Variants in EPG5 observed in about 807,000 individuals in gnomAD.
EPG5 encodes the protein ectopic P granules protein 5 homolog.
In EPG5, 159 loss-of-function variants were observed where a neutral mutation model predicts 302.7. The ratio of observed to expected loss-of-function variants is 0.53; its 90% confidence interval spans 0.46 to 0.60. EPG5 has a LOEUF of 0.60. Ranked by LOEUF, EPG5 falls within the 20% of genes least tolerant of loss-of-function variation. The probability of loss-of-function intolerance (pLI) is 0.00; values close to 1 mark genes in which losing one functional copy is unlikely to be tolerated. For synonymous variants in EPG5, 1,158 were observed against 1,136.8 expected, an observed-to-expected ratio of 1.02 and a Z score of -0.37; for missense variants, 2,896 against 3,092.4, an observed-to-expected ratio of 0.94 and a Z score of 1.51.
rs2049865121 is a variant in EPG5 at position 45,910,458 on chromosome 18, A to C, written c.4205+63T>G. 26 of 1,256,254 alleles carry C rather than the reference A, an allele frequency of 2.1e-5. No homozygotes were observed. The South Asian group carries it at 2.9e-4, about 14-fold the overall frequency. The allele number at this position is 1,256,254 out of a possible 1,614,324, so 77.8% of individuals were successfully genotyped here. ...CATCTAGCAGTTTGTAACACAGTTA[A>C]CTGCTCCAGCATAGTACCTGTGCTG... is the stretch of plus-strand genomic sequence containing the variant. On this transcript the variant is annotated intron_variant, in intron 23 of 43. Coordinates refer to ENST00000282041, the MANE Select transcript of EPG5 (RefSeq NM_020964.3).
chr18:45,949,069 T>C (rs923230974), intron 5 of EPG5, among the ~76,000 whole-genome samples: 20 of 152,156 alleles, frequency 1.3e-4, no homozygotes, highest in Non-Finnish European at 1.5e-4. Flanking sequence ...CAAGAGTTGA[T>C]CACATAGACC....
intron 33 of EPG5, 38 bp from the exon 34 acceptor site, chr18:45,878,486 G>C (rs780308311): frequency 8.1e-6 from 11 of 1,350,560 alleles, no homozygotes; most frequent in Non-Finnish European, 1.2e-5. Context: ...GTCATCATTT[G>C]TCATTTGTCA....
intron 3 of EPG5, 50 bp downstream of exon 3, chr18:45,952,350 A>AT (rs750446400): frequency 1.8e-4 from 279 of 1,582,242 alleles, no homozygotes; most frequent in African/African-American, 1.2e-3. Flanking sequence ...ATACCCCTCA[A>AT]TTTTTTTTTA....
At chr18:45,869,629 A>G (rs561566358) in intron 36 of EPG5, among the ~76,000 whole-genome samples, 7 of 152,336 alleles carry the variant, frequency 4.6e-5, no homozygotes, top group Admixed American at 3.3e-4. Context: ...TGCCCGTCTC[A>G]TATACTAAAT....
intron 31 of EPG5, 101 bp downstream of exon 31, chr18:45,882,172 TG>T: frequency 2.9e-6 from 3 of 1,028,688 alleles, no homozygotes; most frequent in Non-Finnish European, 2.9e-6. Flanking sequence ...ACTCCTATAC[TG>T]GTATTACTTT....
intron 25 of EPG5, among the ~76,000 whole-genome samples, chr18:45,902,669 T>A (rs933843241): frequency 2.6e-5 from 4 of 152,352 alleles, no homozygotes; most frequent in African/African-American, 7.2e-5. Flanking sequence ...TTTGATATAA[T>A]CATCAACTAA....
At chr18:45,869,729 G>A (rs2048829852) in intron 36 of EPG5, among the ~76,000 whole-genome samples, 2 of 152,244 alleles carry the variant, frequency 1.3e-5, no homozygotes, top group South Asian at 4.1e-4. Context: ...TGGCTGACAA[G>A]AGCAGCACAG....
Position 45,860,183 on chromosome 18 carries a change from T to C in EPG5, c.6930A>G (p.Thr2310=), listed in dbSNP as rs1170010313. The C allele has an allele frequency of 1.2e-6, 2 of 1,614,258 alleles. No individual in the cohort carries two copies. The highest frequency in any genetic ancestry group is 1.7e-5 in the Admixed American group (1 of 60,032). ...MHGLVVLPLL[T]AACQSLASVR... ...CGGACGCCAGGCTCTGGCAGGCTGCTGTTAAAAGGGGCAGCACCACCAGCC... is the reference window on the plus strand; with the variant it reads ...CGGACGCCAGGCTCTGGCAGGCTGCCGTTAAAAGGGGCAGCACCACCAGCC... Residue 2310 remains threonine, a synonymous_variant, in exon 40 of 44, where the codon ACA becomes ACG. Coordinates refer to ENST00000282041, the MANE Select transcript of EPG5 (RefSeq NM_020964.3).
intron 43 of EPG5, among the ~76,000 whole-genome samples, chr18:45,854,891 T>C (rs973958954): frequency 4.6e-5 from 7 of 152,146 alleles, no homozygotes; most frequent in African/African-American, 1.7e-4. Context: ...TGCTATAGCA[T>C]TGCTATGAGG....
intron 23 of EPG5, among the ~76,000 whole-genome samples, chr18:45,909,856 G>A (rs2145659114): frequency 6.6e-6 from 1 of 152,316 alleles, no homozygotes; most frequent in Non-Finnish European, 1.5e-5. Context: ...CTGCTCAGGA[G>A]GATCACGTGA....
intron 39 of EPG5, 139 bp downstream of exon 39, chr18:45,865,476 G>T: frequency 1.1e-6 from 1 of 934,188 alleles, no homozygotes; most frequent in Non-Finnish European, 1.6e-6. Context: ...AGTCCCTGGT[G>T]TCCAAACACC....
At chr18:45,876,167 T>C (rs2048967874) in intron 35 of EPG5, 69 bp downstream of exon 35, 4 of 1,033,060 alleles carry the variant, frequency 3.9e-6, no homozygotes, top group South Asian at 2.8e-5. Context: ...TAGAGGAAAG[T>C]AGAAGAAAAA....
chr18:45,931,997 A>G (rs1443096980), intron 11 of EPG5, among the ~76,000 whole-genome samples: 1 of 152,054 alleles, frequency 6.6e-6, no homozygotes, highest in East Asian at 1.9e-4. Flanking sequence ...CATTTTCAAA[A>G]TAACTCTGGG....
chr18:45,874,149 A>G (rs1388549016), intron 35 of EPG5, among the ~76,000 whole-genome samples: 1 of 152,252 alleles, frequency 6.6e-6, no homozygotes, highest in African/African-American at 2.4e-5. Flanking sequence ...ACTAATGTAA[A>G]TCATGGACTT....
chr18:45,817,825 C>G, the EPG5 span, among the ~76,000 whole-genome samples: 1 of 152,166 alleles, frequency 6.6e-6, no homozygotes, highest in African/African-American at 2.4e-5. Context: ...CTGCCATATT[C>G]TATTCATTAG....
downstream of EPG5, among the ~76,000 whole-genome samples, chr18:45,845,231 G>T (rs539360384): frequency 1.3e-5 from 2 of 152,118 alleles, no homozygotes; most frequent in Non-Finnish European, 2.9e-5. Context: ...TTTTGAAGAG[G>T]GCTTCTTGGG....
Position 45,917,786 on chromosome 18 carries a change from T to C in EPG5, c.3132A>G (p.Leu1044=), listed in dbSNP as rs779942616. The stretch of plus-strand genomic sequence containing the variant: ...GTCTTGACTGGACCAGAATTCCCAA[T>C]AGTGGGATGCCTTCTGCACAGAACT... ...IEKFCAEGIP[L]LGILVQSRHL... is the part of the protein sequence containing the mutation. Residue 1044 remains leucine, a synonymous_variant, in exon 17 of 44, where the codon CTA becomes CTG. Transcript: ENST00000282041. The C allele has an allele frequency of 5.0e-6, 8 of 1,614,110 alleles. No homozygotes were observed. Among genetic ancestry groups the C allele is most frequent in the Middle Eastern group, 1.7e-4 (1 of 6,060 alleles).
rs772989307 is a variant in EPG5, at chr18:45,949,566, C to G, written c.1415G>C (p.Cys472Ser). The change falls in exon 5 of 44, where the codon TGT becomes TCT. Residue 472 changes from cysteine (C) to serine (S), a missense_variant. Around this residue, in one of 5 missense-constraint regions of EPG5, gnomAD observed 1,390 missense variants for 1,430.0 expected, o/e 0.97. Coordinates refer to ENST00000282041, the MANE Select transcript of EPG5 (RefSeq NM_020964.3). ...TAGAAGGAAGAGGTGATCTCCAGGA[C>G]AGCCAACTCTTTGTAGCACGGATAC... ...KLVSVLQRVG[C>S]PGDHLFLLNH... 1.8e-5 allele frequency: 29 copies of G among 1,612,552 alleles called. No homozygotes were observed. Among genetic ancestry groups the G allele is most frequent in the Non-Finnish European group, 5.1e-6 (6 of 1,178,926 alleles).
intron 21 of EPG5, among the ~76,000 whole-genome samples, chr18:45,913,218 A>C (rs533944742): frequency 6.6e-6 from 1 of 152,322 alleles, no homozygotes; most frequent in African/African-American, 2.4e-5. Flanking sequence ...AGGCTCTGAA[A>C]CCCAAAAGCA....
Sources: gnomAD v4.1 joint callset for allele counts (sites outside exome capture counted in the v4.1 genomes callset) on GRCh38, gnomAD v4.1.1 for gene constraint, gnomAD v4.1.1 regional missense constraint, MANE v1.5 for transcripts, NCBI Gene and HGNC (gene_info 2026-07-23, HGNC 2026-07-21) for gene names.